The following BRCA1 variants were observed in gnomAD, a reference collection of about 807,000 sequenced individuals.
The protein encoded by BRCA1 is BRCA1 DNA repair associated.
In BRCA1, 140 loss-of-function variants were observed where a neutral mutation model predicts 173.7. The ratio of observed to expected loss-of-function variants is 0.81; its 90% CI spans 0.70 to 0.93. The LOEUF (loss-of-function observed/expected upper bound fraction) is 0.93. BRCA1 is among the 40% of genes least tolerant of loss of function. The pLI, the probability that BRCA1 is intolerant of heterozygous loss-of-function variation, is 0.00. For synonymous variants in BRCA1, 662 were observed against 756.0 expected (o/e 0.88, Z 2.04); for missense variants, 1,983 against 2,172.5 (o/e 0.91, Z 1.73).
intron 4 of BRCA1, 31 bp from the exon 5 acceptor site, chr17:43,104,987 A>G: frequency 1.9e-6 from 3 of 1,550,144 alleles, no homozygotes; most frequent in South Asian, 2.2e-5. Flanking sequence ...AAACACACTC[A>G]GCAAGTGATT....
intron 12 of BRCA1, among the ~76,000 whole-genome samples, chr17:43,077,735 ATTTAT>A (rs1487276761): frequency 7.5e-6 from 1 of 133,904 alleles, no homozygotes; most frequent in Non-Finnish European, 1.6e-5. Context: ...ATTTATTTTT[ATTTAT>A]TTATTTTTTT....
In BRCA1 at chr17:43,063,417, C is replaced by T. The variant is rs765846390; in HGVS notation, c.5153-44G>A. On this transcript the variant is annotated intron_variant, in intron 17 of 22. Coordinates refer to ENST00000357654, the MANE Select transcript of BRCA1 (RefSeq NM_007294.4). ...AGACAGGTTACATACAGCAGAAGAACGTGCTCTTTTCACGGAGATAGAGAG... is the reference window on the plus strand; with the variant it reads ...AGACAGGTTACATACAGCAGAAGAATGTGCTCTTTTCACGGAGATAGAGAG... The T allele has an allele frequency of 3.3e-6, 5 of 1,534,300 alleles. No individual in the cohort carries two copies. The East Asian group carries it at 6.7e-5, about 21-fold the overall frequency.
At chr17:43,079,869 CTCT>C (rs2052924135) in intron 12 of BRCA1, 1 of 662,568 alleles carries the variant, frequency 1.5e-6, no homozygotes, top group East Asian at 2.7e-5. Flanking sequence ...ATATAAATTC[CTCT>C]TCTTACTACA....
intron 1 of BRCA1, chr17:43,164,236 C>T (rs2056253454): frequency 6.6e-6 from 1 of 152,200 alleles, no homozygotes; most frequent in South Asian, 2.1e-4. Flanking sequence ...TGGGGCAGTC[C>T]ATTCTTGCTC....
intron 1 of BRCA1, chr17:43,140,147 A>G (rs2056065142): frequency 4.0e-5 from 13 of 324,666 alleles, no homozygotes; most frequent in South Asian, 2.7e-4. Flanking sequence ...AGCCTCCAGA[A>G]AAATCCTTGA....
chr17:43,055,046 A>G (rs1310951092), intron 19 of BRCA1, among the ~76,000 whole-genome samples: 1 of 152,140 alleles, frequency 6.6e-6, no homozygotes, highest in Non-Finnish European at 1.5e-5. Context: ...CACCGCGACC[A>G]GCCTGGGATG....
chr17:43,048,517 T>TC lies in BRCA1; in HGVS notation c.5406+603dup, dbSNP rs1436335876. 2.1e-5 allele frequency among the ~76,000 whole-genome samples: 3 copies of TC among 141,882 alleles called. No individual in the cohort carries two copies. The Admixed American group carries it at 2.3e-4, about 11-fold the overall frequency. 93.1% of individuals were successfully genotyped at this position (141,882 alleles called of 152,430 possible). A position where few individuals can be genotyped will look rare whatever the true frequency, so the allele number is the denominator to read the frequency against. ...ACCGCACCTAGCTTTTCTCTCTCTC[T>TC]CTTTTTTTTTTTTTTTAGACAAAGT... On this transcript the variant is annotated intron_variant, in intron 21 of 22. Coordinates refer to ENST00000357654, the MANE Select transcript of BRCA1 (RefSeq NM_007294.4).
intron 2 of BRCA1, among the ~76,000 whole-genome samples, chr17:43,122,248 T>C (rs1247047406): frequency 1.3e-5 from 2 of 152,156 alleles, no homozygotes; most frequent in African/African-American, 4.8e-5. Context: ...TAAGAGGCAA[T>C]GGTACAACTT....
At chr17:43,100,660 A>ATGT (rs1443111899) in intron 6 of BRCA1, among the ~76,000 whole-genome samples, 372 of 16,228 alleles carry the variant, frequency 0.023, 16 homozygotes, top group East Asian at 0.064. Context: ...TATATAACAT[A>ATGT]TATATATATA....
chr17:43,049,987 A>T, intron 20 of BRCA1: 1 of 398,478 alleles, frequency 2.5e-6, no homozygotes, highest in East Asian at 3.6e-5. Flanking sequence ...AAACACTGAG[A>T]AATCCTTGAG....
At chr17:43,138,819 T>C in intron 1 of BRCA1, 1 of 778,748 alleles carries the variant, frequency 1.3e-6, no homozygotes, top group Non-Finnish European at 2.4e-6. Flanking sequence ...CTGGACTCCA[T>C]ACTCCCCCAC....
In BRCA1 at chr17:43,092,412, C is replaced by T. The variant is rs4986852; in HGVS notation, c.3119G>A (p.Ser1040Asn). ...ACCTACTTCATTAATATTGCTTGAG[C>T]TGGCTTCTTTAAAAACATTTTCTCT... ...NIRENVFKEA[S>N]SSNINEVGSS... Residue 1040 changes from serine to asparagine, a missense_variant, in exon 10 of 23, where the codon AGC becomes AAC. By Grantham distance (46) the Ser-to-Asn change is conservative. Transcript: ENST00000357654. 31,073 of 1,613,846 alleles carry T rather than the reference C, an allele frequency of 0.019. 338 individuals are homozygous for T. Among genetic ancestry groups the T allele is most frequent in the Non-Finnish European group, 0.023 (27,398 of 1,179,948 alleles).
At position 43,099,764 on chromosome 17, in the gene BRCA1, G is replaced by T. The variant is rs2054288146; in HGVS notation, c.547+11C>A. ...TTATTATTAAATACTTAAAAAACCT[G>T]AGACCCTTACCCAATTCAATGTAGA... On this transcript the variant is annotated intron_variant, in intron 7 of 22. Coordinates refer to ENST00000357654, the MANE Select transcript of BRCA1 (RefSeq NM_007294.4). 1 of 1,587,524 alleles carries T rather than the reference G, an allele frequency of 6.3e-7. No homozygotes were observed.
intron 22 of BRCA1, 148 bp downstream of exon 22, chr17:43,047,494 TA>T (rs1378364626): frequency 8.6e-5 from 73 of 846,868 alleles, no homozygotes; most frequent in Non-Finnish European, 1.4e-4. Context: ...CAAATAACAA[TA>T]AAAACATCAA....
intron 1 of BRCA1, among the ~76,000 whole-genome samples, chr17:43,159,904 AAAAC>A (rs1298007118): frequency 1.3e-5 from 2 of 152,202 alleles, no homozygotes; most frequent in African/African-American, 2.4e-5. Context: ...TAAATGAAGA[AAAAC>A]AAAGGCTCAC....
At chr17:43,049,972 T>TA (rs1306609342) in intron 20 of BRCA1, 101 of 398,090 alleles carry the variant, frequency 2.5e-4, no homozygotes, top group Admixed American at 5.7e-4. Context: ...TATACCAAAG[T>TA]AAAAAAACAC....
At chr17:43,087,545 C>A (rs1176442165) in intron 11 of BRCA1, among the ~76,000 whole-genome samples, 1 of 151,738 alleles carries the variant, frequency 6.6e-6, no homozygotes, top group African/African-American at 2.4e-5. Context: ...GCCTGTAATC[C>A]CAGCTACTCG....
chr17:43,110,458 C>A, intron 3 of BRCA1: 2 of 348,478 alleles, frequency 5.7e-6, no homozygotes, highest in South Asian at 2.2e-5. Context: ...TGGTGGTGTG[C>A]ACTTACAGTC....
intron 14 of BRCA1, among the ~76,000 whole-genome samples, chr17:43,071,584 T>C (rs2052446137): frequency 6.6e-6 from 1 of 152,208 alleles, no homozygotes; most frequent in African/African-American, 2.4e-5. Context: ...ACGATATACC[T>C]AGTCCAATGG....
Sources: allele counts gnomAD v4.1 joint callset (sites outside exome capture counted in the v4.1 genomes callset), GRCh38; gene constraint gnomAD v4.1.1; transcripts MANE v1.5; gene names NCBI Gene and HGNC (gene_info 2026-07-23, HGNC 2026-07-21).